The following PCDH15 variants were observed in gnomAD, a reference collection of about 807,000 sequenced individuals.
The protein encoded by PCDH15 is protocadherin related 15.
PCDH15 carries 129 observed loss-of-function variants against 178.5 expected under a neutral mutation model. That is an observed-to-expected ratio of 0.72 (90% CI 0.63 to 0.84). The LOEUF is 0.84. Among genes scored for constraint, PCDH15 ranks in the 40% least tolerant of loss-of-function variants. The pLI is 0.00. For synonymous variants in PCDH15, 800 were observed against 732.0 expected (o/e 1.09, Z -1.50); for missense variants, 2,230 against 2,099.9 (o/e 1.06, Z -1.21).
chr10:55,528,818 G>A (rs529741250), intron 2 of PCDH15, among the ~76,000 whole-genome samples: 8 of 152,182 alleles, frequency 5.3e-5, no homozygotes, highest in Admixed American at 5.2e-4. Context: ...TTCCACAATG[G>A]TTGAACTAGT....
At chr10:54,330,949 T>G (rs999070217) in intron 6 of PCDH15, among the ~76,000 whole-genome samples, 1 of 151,436 alleles carries the variant, frequency 6.6e-6, no homozygotes, top group African/African-American at 2.4e-5. Flanking sequence ...TGAATCTGCA[T>G]TAGATTGCTG....
rs754331876 is a variant in PCDH15, at chr10:53,940,966, TGGA to T, written c.3129_3131del (p.Pro1044del). ...TCCCTTTGGTGGCAAGTTCACTTAC[TGGA>T]GGAGGTCTGCAGGTTTAGAGAAGAT... On this transcript the variant is annotated inframe_deletion, in exon 24 of 38. Transcript: ENST00000644397. 6.2e-7 allele frequency: 1 copy of T among 1,609,284 alleles called. No individual in the cohort carries two copies. The highest frequency in any genetic ancestry group is 1.1e-5 in the South Asian group (1 of 90,994).
At chr10:55,223,505 G>A (rs551528175) in intron 1 of PCDH15, among the ~76,000 whole-genome samples, 2 of 152,180 alleles carry the variant, frequency 1.3e-5, no homozygotes, top group South Asian at 2.1e-4. Context: ...TGTAAGAAAC[G>A]TAGTCTCTTT....
rs549098426 is a variant in PCDH15 at position 53,986,523 on chromosome 10, C to A, written c.2868+9126G>T. Among the ~76,000 whole-genome samples, 57 of 152,300 alleles carry A rather than the reference C, an allele frequency of 3.7e-4. 1 individual carries two copies. In the Middle Eastern group the frequency reaches 0.024, roughly 64 times the overall value. ...GATCTTTAAGAGATATCTATCTGTA[C>A]TCCCATGTGTACTGAAGCATTATTC... On this transcript the variant is annotated intron_variant, in intron 21 of 37. Coordinates refer to ENST00000644397, the MANE Select transcript of PCDH15 (RefSeq NM_001384140.1).
At chr10:54,481,601 C>T (rs748478238) in intron 3 of PCDH15, among the ~76,000 whole-genome samples, 1 of 151,852 alleles carries the variant, frequency 6.6e-6, no homozygotes, top group African/African-American at 2.4e-5. Flanking sequence ...AGAGGCTACT[C>T]TAATAGCTTC....
At chr10:55,165,231 G>C (rs2132117225) in intron 2 of PCDH15, among the ~76,000 whole-genome samples, 1 of 151,888 alleles carries the variant, frequency 6.6e-6, no homozygotes, top group East Asian at 1.9e-4. Context: ...AATTTCATGT[G>C]ATTTTTTTGC....
chr10:55,326,411 A>G (rs937532286), intron 2 of PCDH15, among the ~76,000 whole-genome samples: 10 of 152,170 alleles, frequency 6.6e-5, no homozygotes, highest in African/African-American at 2.4e-4. Flanking sequence ...CATAAAAATC[A>G]ATGAGATCAG....
intron 2 of PCDH15, among the ~76,000 whole-genome samples, chr10:55,442,178 G>A (rs1276134326): frequency 6.6e-6 from 1 of 151,840 alleles, no homozygotes; most frequent in Non-Finnish European, 1.5e-5. Context: ...AAAGTGGAAA[G>A]AAAAGAGAAC....
At chr10:54,132,725 C>A in intron 15 of PCDH15, 150 bp downstream of exon 15, 1 of 1,364,166 alleles carries the variant, frequency 7.3e-7, no homozygotes, top group South Asian at 1.3e-5. Context: ...ATTACCCTTG[C>A]TTTCCTTTCC....
intron 15 of PCDH15, among the ~76,000 whole-genome samples, chr10:54,126,431 C>T (rs886581091): frequency 2.0e-5 from 3 of 152,052 alleles, no homozygotes; most frequent in Non-Finnish European, 4.4e-5. Flanking sequence ...TCCTATTAAC[C>T]AACCACTTAT....
At chr10:54,631,387 A>G (rs2093696668) in intron 2 of PCDH15, among the ~76,000 whole-genome samples, 1 of 152,154 alleles carries the variant, frequency 6.6e-6, no homozygotes, top group Non-Finnish European at 1.5e-5. Context: ...ATTTATTTAT[A>G]GTAATACAAG....
At chr10:54,416,367 C>T (rs1192662378) in intron 3 of PCDH15, among the ~76,000 whole-genome samples, 1 of 152,012 alleles carries the variant, frequency 6.6e-6, no homozygotes, top group Non-Finnish European at 1.5e-5. Flanking sequence ...TGAGTGAGAA[C>T]ATGCAGTGTT....
chr10:54,436,249 C>A (rs1375339569), intron 3 of PCDH15, among the ~76,000 whole-genome samples: 1 of 151,076 alleles, frequency 6.6e-6, no homozygotes, highest in Non-Finnish European at 1.5e-5. Flanking sequence ...AGAACACATC[C>A]ACATTTAATG....
Position 54,357,337 on chromosome 10 carries a change from AC to A in PCDH15, c.475-10854del, listed in dbSNP as rs1415137761. ...AAGTCTCAGGATACAAAATCAATGTACAAAAATCACAAGCATTCTTATACAC... is the reference window on the plus strand; with the variant it reads ...AAGTCTCAGGATACAAAATCAATGTAAAAAATCACAAGCATTCTTATACAC... On this transcript the variant is annotated intron_variant, in intron 5 of 37. Transcript: ENST00000644397. Among the ~76,000 whole-genome samples the A allele has an allele frequency of 7.2e-5, 11 of 152,256 alleles. No individual in the cohort carries two copies. The East Asian group carries it at 2.1e-3, about 29-fold the overall frequency.
chr10:55,223,628 A>T (rs1840947364), intron 1 of PCDH15, among the ~76,000 whole-genome samples: 1 of 152,142 alleles, frequency 6.6e-6, no homozygotes. Context: ...CATCTTCATA[A>T]TAGCACAATC....
chr10:53,827,461 T>C lies in PCDH15; in HGVS notation c.4299A>G (p.Ala1433=), dbSNP rs1588968218. ...KPAVPAPAPV[A]APPPPPPPPP... is the part of the protein sequence containing the mutation. Reference sequence around the variant, plus strand: ...GAGGCGGCGGCGGCGGCGGGGGCGCTGCCACTGGTGCAGGAGCCGGCACTG... The same window carrying C: ...GAGGCGGCGGCGGCGGCGGGGGCGCCGCCACTGGTGCAGGAGCCGGCACTG... Residue 1433 remains alanine (A), a synonymous_variant, in exon 32 of 38, where the codon GCA becomes GCG. Coordinates refer to ENST00000644397, the MANE Select transcript of PCDH15 (RefSeq NM_001384140.1). 1 of 1,613,396 alleles carries C rather than the reference T, an allele frequency of 6.2e-7. No homozygotes were observed. Among genetic ancestry groups the C allele is most frequent in the Non-Finnish European group, 8.5e-7 (1 of 1,179,508 alleles).
At chr10:54,798,498 G>C (rs559099013) in intron 1 of PCDH15, among the ~76,000 whole-genome samples, 3 of 152,036 alleles carry the variant, frequency 2.0e-5, no homozygotes, top group Admixed American at 6.6e-5. Context: ...GTCTTATTTT[G>C]CATGTGAAAA....
At chr10:55,440,406 G>T (rs10825515) in intron 2 of PCDH15, among the ~76,000 whole-genome samples, 116,443 of 152,126 alleles carry the variant, frequency 0.77, 45,925 homozygotes, top group East Asian at 0.99. Flanking sequence ...TCAAATTAAT[G>T]AGGTAGTTAT....
intron 2 of PCDH15, among the ~76,000 whole-genome samples, chr10:55,145,485 A>C (rs548153616): frequency 1.3e-5 from 2 of 152,120 alleles, no homozygotes; most frequent in African/African-American, 4.8e-5. Flanking sequence ...ATTAGCCCTC[A>C]AAGCATGTTC....
Sources: allele counts gnomAD v4.1 joint callset (sites outside exome capture counted in the v4.1 genomes callset), GRCh38; gene constraint gnomAD v4.1.1; transcripts MANE v1.5; gene names NCBI Gene and HGNC (gene_info 2026-07-23, HGNC 2026-07-21).